Variants in SLIT3 observed in about 807,000 individuals in gnomAD.
SLIT3 encodes the protein slit guidance ligand 3.
A neutral mutation model predicts 184.0 loss-of-function variants in SLIT3; 68 were observed. The observed-to-expected ratio is 0.37, with a 90% confidence interval of 0.30 to 0.45. The LOEUF (loss-of-function observed/expected upper bound fraction) is 0.45, where lower values mean the gene tolerates loss of function less well. SLIT3 is among the 20% of genes least tolerant of loss of function. The pLI is 1.00. For missense variants in SLIT3, 1,707 were observed against 2,026.0 expected, an observed-to-expected ratio of 0.84 and a Z score of 3.02; for synonymous variants, 831 against 828.6, an observed-to-expected ratio of 1.00 and a Z score of -0.05.
At chr5:168,869,987 T>C (rs537384148) in intron 5 of SLIT3, among the ~76,000 whole-genome samples, 1 of 152,242 alleles carries the variant, frequency 6.6e-6, no homozygotes, top group Non-Finnish European at 1.5e-5. Flanking sequence ...TGAATGCTTG[T>C]GGCAGACACA....
intron 4 of SLIT3, among the ~76,000 whole-genome samples, chr5:169,144,776 C>T (rs754822158): frequency 1.1e-4 from 17 of 152,218 alleles, no homozygotes; most frequent in Admixed American, 3.3e-4. Flanking sequence ...ACCCGCAAGA[C>T]GCAAAGTCCT....
chr5:168,803,593 G>C (rs929361116), intron 9 of SLIT3, among the ~76,000 whole-genome samples: 1 of 152,214 alleles, frequency 6.6e-6, no homozygotes, highest in African/African-American at 2.4e-5. Flanking sequence ...GATGTGAAGT[G>C]GAAGGGGGGT....
Position 168,772,810 on chromosome 5 carries a change from T to C in SLIT3, c.1430A>G (p.Gln477Arg). ...GCAGCGGAACTTCTTGCTCTTGATCTGGCTGATGCGCTTGTTGGCGAGTCG... is the reference window on the plus strand; with the variant it reads ...GCAGCGGAACTTCTTGCTCTTGATCCGGCTGATGCGCTTGTTGGCGAGTCG... Reference protein sequence around the residue: ...PRRLANKRISQIKSKKFRCSG... With the variant: ...PRRLANKRISRIKSKKFRCSG... The change falls in exon 14 of 36, where the codon CAG (glutamine) becomes CGG (arginine). Residue 477 changes from glutamine to arginine, a missense_variant. By Grantham distance (43) the Gln-to-Arg change is conservative. Around this residue, in one of 3 missense-constraint regions of SLIT3, gnomAD observed 1,307 missense variants for 1,511.6 expected, o/e 0.86. Coordinates refer to ENST00000519560, the MANE Select transcript of SLIT3 (RefSeq NM_003062.4). 2 of 1,614,162 alleles carry C rather than the reference T, an allele frequency of 1.2e-6. No individual in the cohort carries two copies. Among genetic ancestry groups the C allele is most frequent in the Non-Finnish European group, 1.7e-6 (2 of 1,180,040 alleles).
intron 5 of SLIT3, among the ~76,000 whole-genome samples, chr5:168,874,471 T>C (rs1331925034): frequency 1.3e-5 from 2 of 152,194 alleles, no homozygotes; most frequent in South Asian, 4.1e-4. Context: ...AACAGAACAA[T>C]GAAAAAGGCA....
chr5:168,895,953 T>C (rs1219080015), intron 4 of SLIT3, among the ~76,000 whole-genome samples: 1 of 152,124 alleles, frequency 6.6e-6, no homozygotes, highest in Non-Finnish European at 1.5e-5. Context: ...TAGTGACAAA[T>C]GTGAGACTGC....
chr5:169,230,526 A>G (rs1275153736), intron 3 of SLIT3, among the ~76,000 whole-genome samples: 1 of 152,210 alleles, frequency 6.6e-6, no homozygotes, highest in Non-Finnish European at 1.5e-5. Context: ...AGTAAATGGA[A>G]CTCTGGGTTA....
At chr5:168,933,413 G>A (rs1307332689) in intron 4 of SLIT3, among the ~76,000 whole-genome samples, 1 of 152,202 alleles carries the variant, frequency 6.6e-6, no homozygotes, top group African/African-American at 2.4e-5. Context: ...ATGGTGGTAT[G>A]CACCTGTAGT....
rs77971269 is a variant in SLIT3, at chr5:168,808,978, G to A, written c.794-2391C>T. 9.6e-3 allele frequency among the ~76,000 whole-genome samples: 1,462 copies of A among 152,304 alleles called. 13 individuals carry two copies. The highest frequency in any genetic ancestry group is 0.019 in the Admixed American group (286 of 15,306). On this transcript the variant is annotated intron_variant, in intron 8 of 35. Transcript: ENST00000519560. ...TCCTGTTTGGAAATGTCAGGAATGG[G>A]AGTCTGAACTCTTGCATTTTCCATC...
At chr5:169,122,872 T>C (rs1474350005) in intron 4 of SLIT3, among the ~76,000 whole-genome samples, 1 of 152,196 alleles carries the variant, frequency 6.6e-6, no homozygotes, top group Admixed American at 6.5e-5. Flanking sequence ...AAGAAGCTCA[T>C]TCTTCTACAA....
chr5:169,188,357 TTTCA>T lies in SLIT3; in HGVS notation c.413+5118_413+5121del, dbSNP rs1262686515. Among the ~76,000 whole-genome samples the T allele has an allele frequency of 2.6e-5, 4 of 152,332 alleles. No individual in the cohort carries two copies. In the East Asian group the frequency reaches 7.7e-4, roughly 29 times the overall value. The stretch of plus-strand genomic sequence containing the variant: ...GTCAGCCTTTAAATAACCAGAAATC[TTTCA>T]TTGTCTCTCCCATGAGTAGGTTAAA... On this transcript the variant is annotated intron_variant, in intron 4 of 35. Transcript: ENST00000519560.
intron 4 of SLIT3, among the ~76,000 whole-genome samples, chr5:169,082,003 C>T (rs1336091053): frequency 1.3e-5 from 2 of 152,210 alleles, no homozygotes; most frequent in Non-Finnish European, 2.9e-5. Flanking sequence ...CACAGCATAA[C>T]ATTTAGCGAC....
chr5:169,086,286 G>C (rs1371994393), intron 4 of SLIT3, among the ~76,000 whole-genome samples: 1 of 152,216 alleles, frequency 6.6e-6, no homozygotes, highest in Non-Finnish European at 1.5e-5. Flanking sequence ...AACCACTATT[G>C]TAAGTTCTGA....
At position 169,094,992 on chromosome 5, in the gene SLIT3, C is replaced by T. The variant is rs190964170; in HGVS notation, c.413+98487G>A. On this transcript the variant is annotated intron_variant, in intron 4 of 35. Coordinates refer to ENST00000519560, the MANE Select transcript of SLIT3 (RefSeq NM_003062.4). Reference sequence around the variant, plus strand: ...AGGACCCAGGATGGCTCATGACTCACGGTCACCACCTTAAACCACAGGGAC... The same window carrying T: ...AGGACCCAGGATGGCTCATGACTCATGGTCACCACCTTAAACCACAGGGAC... 1.4e-3 allele frequency among the ~76,000 whole-genome samples: 211 copies of T among 152,320 alleles called. 1 individual carries two copies. Among genetic ancestry groups the T allele is most frequent in the African/African-American group, 4.5e-3 (186 of 41,578 alleles).
intron 30 of SLIT3, 64 bp downstream of exon 30, chr5:168,686,915 G>A: frequency 6.3e-7 from 1 of 1,586,346 alleles, no homozygotes; most frequent in Non-Finnish European, 8.6e-7. Flanking sequence ...ACCTTAGCCA[G>A]TCAGCCCCAG....
intron 4 of SLIT3, among the ~76,000 whole-genome samples, chr5:168,928,231 A>G (rs1761891847): frequency 6.6e-6 from 1 of 152,204 alleles, no homozygotes; most frequent in African/African-American, 2.4e-5. Context: ...ATTGGCTCAT[A>G]TGTTAAAAAC....
chr5:168,762,166 GTTGTT>G (rs1755178329), intron 15 of SLIT3, among the ~76,000 whole-genome samples: 1 of 151,878 alleles, frequency 6.6e-6, no homozygotes, highest in African/African-American at 2.4e-5. Context: ...AATCATTCTA[GTTGTT>G]TTCTCACTTC....
At chr5:169,147,373 A>T (rs180988954) in intron 4 of SLIT3, among the ~76,000 whole-genome samples, 3 of 152,252 alleles carry the variant, frequency 2.0e-5, no homozygotes, top group African/African-American at 4.8e-5. Flanking sequence ...GGTTCAAGCG[A>T]TTCTCCTGCC....
chr5:169,001,918 G>A (rs567886630), intron 4 of SLIT3, among the ~76,000 whole-genome samples: 1 of 152,118 alleles, frequency 6.6e-6, no homozygotes, highest in East Asian at 1.9e-4. Flanking sequence ...CTCCAGAGAA[G>A]GGAGACATTG....
intron 4 of SLIT3, among the ~76,000 whole-genome samples, chr5:169,184,385 G>A (rs1227233340): frequency 2.6e-5 from 4 of 152,226 alleles, no homozygotes; most frequent in African/African-American, 4.8e-5. Context: ...CTCAAGCCCA[G>A]TTTCCTCATC....
Sources: allele counts gnomAD v4.1 joint callset (sites outside exome capture counted in the v4.1 genomes callset), GRCh38; gene constraint gnomAD v4.1.1; regional missense constraint gnomAD v4.1.1; transcripts MANE v1.5; gene names NCBI Gene and HGNC (gene_info 2026-07-23, HGNC 2026-07-21).